Variants in EMCN observed in about 807,000 individuals in gnomAD.
The protein encoded by EMCN is MUC-14.
A neutral mutation model predicts 38.4 loss-of-function variants in EMCN; 37 were observed. That is an observed-to-expected ratio of 0.96 (90% CI 0.74 to 1.27). The LOEUF (loss-of-function observed/expected upper bound fraction) is 1.27, where lower values mean the gene tolerates loss of function less well. Among genes scored for constraint, EMCN ranks in the 50% most tolerant of loss-of-function variants. EMCN has a pLI of 0.00. For missense variants in EMCN, 318 were observed against 302.8 expected (o/e 1.05, Z -0.37); for synonymous variants, 95 against 100.8 (o/e 0.94, Z 0.35).
Position 100,395,376 on chromosome 4 carries a change from T to C in EMCN, c.*3037A>G, listed in dbSNP as rs1264425940. On this transcript the variant is annotated 3_prime_UTR_variant, in exon 12 of 12. Transcript: ENST00000296420. ...ATTGGGGCAGAGTACACCCATTTAT[T>C]GGAAAATGAGAAGTCCTGTGTGTGC... 6.6e-6 allele frequency: 1 copy of C among 152,162 alleles called. No homozygotes were observed. The highest frequency in any genetic ancestry group is 1.5e-5 in the Non-Finnish European group (1 of 68,028). The allele number at this position is 152,162 out of a possible 1,614,324, so 9.4% of individuals were successfully genotyped here.
At chr4:100,426,243 TG>T (rs1413816790) in intron 5 of EMCN, among the ~76,000 whole-genome samples, 1 of 152,136 alleles carries the variant, frequency 6.6e-6, no homozygotes, top group Non-Finnish European at 1.5e-5. Flanking sequence ...TTTACCCACG[TG>T]TCCTCTGAAA....
At chr4:100,487,211 A>G (rs148229171) in intron 1 of EMCN, among the ~76,000 whole-genome samples, 1 of 152,292 alleles carries the variant, frequency 6.6e-6, no homozygotes, top group East Asian at 1.9e-4. Context: ...CTACCTTCCA[A>G]CGAAGTAAGA....
intron 5 of EMCN, among the ~76,000 whole-genome samples, chr4:100,439,272 TA>T (rs1727441458): frequency 6.6e-6 from 1 of 152,072 alleles, no homozygotes; most frequent in Non-Finnish European, 1.5e-5. Flanking sequence ...AGTTTTTTGT[TA>T]CTTCTTTGAT....
chr4:100,405,850 C>A (rs1262303448), intron 11 of EMCN, among the ~76,000 whole-genome samples: 2 of 151,820 alleles, frequency 1.3e-5, no homozygotes, highest in Non-Finnish European at 2.9e-5. Context: ...TCTGTCTGGT[C>A]CAGGGCTTTT....
At chr4:100,434,576 A>G (rs368471300) in intron 5 of EMCN, among the ~76,000 whole-genome samples, 1 of 152,174 alleles carries the variant, frequency 6.6e-6, no homozygotes, top group Non-Finnish European at 1.5e-5. Context: ...CAACAAAAAT[A>G]TAAAACCTCG....
chr4:100,433,694 C>T (rs1180345595), intron 5 of EMCN, among the ~76,000 whole-genome samples: 4 of 152,030 alleles, frequency 2.6e-5, no homozygotes, highest in African/African-American at 4.8e-5. Flanking sequence ...TGCCACCACA[C>T]CTAGCCAATT....
At chr4:100,398,986 A>G (rs1315397811) in intron 11 of EMCN, among the ~76,000 whole-genome samples, 2 of 152,170 alleles carry the variant, frequency 1.3e-5, no homozygotes, top group African/African-American at 4.8e-5. Flanking sequence ...GATACAGTTC[A>G]AGATCTGTTG....
chr4:100,489,475 A>G (rs1487436775), intron 1 of EMCN, among the ~76,000 whole-genome samples: 2 of 152,198 alleles, frequency 1.3e-5, no homozygotes, highest in Non-Finnish European at 2.9e-5. Context: ...GTGACAGACC[A>G]CATATGCAAG....
At chr4:100,502,762 T>C (rs1413317722) in intron 1 of EMCN, among the ~76,000 whole-genome samples, 6 of 152,186 alleles carry the variant, frequency 3.9e-5, no homozygotes, top group Non-Finnish European at 7.4e-5. Context: ...CTTATTGTTT[T>C]AGTTTTCTAA....
intron 1 of EMCN, among the ~76,000 whole-genome samples, chr4:100,517,637 C>G (rs1729792817): frequency 6.6e-6 from 1 of 152,026 alleles, no homozygotes; most frequent in South Asian, 2.1e-4. Context: ...TGCTTTCAGG[C>G]TGCTGTACCC....
chr4:100,473,354 TC>T lies in EMCN; in HGVS notation c.259+1683del, dbSNP rs1194674875. Among the ~76,000 whole-genome samples, 16 of 138,674 alleles carry T rather than the reference TC, an allele frequency of 1.2e-4. 1 individual carries two copies. The South Asian group carries it at 2.4e-3, about 21-fold the overall frequency. 91.0% of individuals were successfully genotyped at this position (138,674 alleles called of 152,430 possible). A position where few individuals can be genotyped will look rare whatever the true frequency, so the allele number is the denominator to read the frequency against. On this transcript the variant is annotated intron_variant, in intron 3 of 11. Transcript: ENST00000296420. Reference sequence around the variant, plus strand: ...GTTATATATAATTCTAATGGGCATTTCCCGTTTCGTGTTTTTTTGTTTTTTT... The same window carrying T: ...GTTATATATAATTCTAATGGGCATTTCCGTTTCGTGTTTTTTTGTTTTTTT...
chr4:100,405,170 T>A (rs571385671), intron 11 of EMCN, among the ~76,000 whole-genome samples: 1 of 152,182 alleles, frequency 6.6e-6, no homozygotes, highest in Non-Finnish European at 1.5e-5. Context: ...AGACAGATCG[T>A]TTAACTTCTT....
At chr4:100,469,876 TG>T (rs556701490) in intron 3 of EMCN, among the ~76,000 whole-genome samples, 296 of 152,198 alleles carry the variant, frequency 1.9e-3, no homozygotes, top group African/African-American at 6.2e-3. Flanking sequence ...TTTGGCTATT[TG>T]GGTTCTTTTT....
At chr4:100,431,767 G>GCT (rs894841049) in intron 5 of EMCN, among the ~76,000 whole-genome samples, 6 of 108,846 alleles carry the variant, frequency 5.5e-5, no homozygotes, top group African/African-American at 1.7e-4. Flanking sequence ...TCTCTCACTT[G>GCT]CTCTCTCTCT....
At chr4:100,428,338 C>G (rs984392883) in intron 5 of EMCN, among the ~76,000 whole-genome samples, 18 of 152,094 alleles carry the variant, frequency 1.2e-4, no homozygotes, top group African/African-American at 4.3e-4. Context: ...TTACTCAACT[C>G]TTTTCAGGGA....
chr4:100,457,352 A>C (rs935667381), intron 4 of EMCN, among the ~76,000 whole-genome samples: 2 of 152,092 alleles, frequency 1.3e-5, no homozygotes, highest in Non-Finnish European at 2.9e-5. Flanking sequence ...TATTATATTC[A>C]ATAGAAGTGA....
At chr4:100,418,996 A>G (rs1726814413) in intron 8 of EMCN, among the ~76,000 whole-genome samples, 1 of 152,080 alleles carries the variant, frequency 6.6e-6, no homozygotes. Flanking sequence ...GTACTAATTT[A>G]CATTTCCACC....
At chr4:100,403,118 G>T (rs2110204505) in intron 11 of EMCN, among the ~76,000 whole-genome samples, 1 of 152,194 alleles carries the variant, frequency 6.6e-6, no homozygotes, top group East Asian at 1.9e-4. Flanking sequence ...TACATCTGGA[G>T]GTTGGTTACA....
At chr4:100,489,694 T>G (rs1318896735) in intron 1 of EMCN, among the ~76,000 whole-genome samples, 1 of 152,214 alleles carries the variant, frequency 6.6e-6, no homozygotes, top group East Asian at 1.9e-4. Context: ...TACTGGTTTA[T>G]GTATATACCA....
Sources: allele counts gnomAD v4.1 joint callset (sites outside exome capture counted in the v4.1 genomes callset), GRCh38; gene constraint gnomAD v4.1.1; transcripts MANE v1.5; gene names NCBI Gene and HGNC (gene_info 2026-07-23, HGNC 2026-07-21).